Variants in ROBO2 observed in about 807,000 individuals in gnomAD.
ROBO2 encodes roundabout guidance receptor 2.
A neutral mutation model predicts 160.8 loss-of-function variants in ROBO2; 53 were observed. That is an observed-to-expected ratio of 0.33 (90% CI 0.26 to 0.41). ROBO2 has a LOEUF of 0.41. ROBO2 is among the 10% of genes least tolerant of loss of function. ROBO2 has a pLI of 1.00. For missense variants in ROBO2, 1,577 were observed against 1,722.4 expected (o/e 0.92, Z 1.49); for synonymous variants, 664 against 611.7 (o/e 1.09, Z -1.26).
In ROBO2 at chr3:76,434,051, G is replaced by C. The variant is rs529015580; in HGVS notation, c.109+496449G>C. 3.1e-6 allele frequency: 4 copies of C among 1,295,720 alleles called. No homozygotes were observed. The East Asian group carries it at 9.2e-5, about 30-fold the overall frequency. The allele number at this position is 1,295,720 out of a possible 1,614,324, so 80.3% of individuals were successfully genotyped here. ...CATGCAAAATCTGGTAGAAAGACTG[G>C]AGAGGGCAGTGGGCCTCCTGGAGGC... On this transcript the variant is annotated intron_variant, in intron 2 of 26. Transcript: ENST00000487694.
intron 2 of ROBO2, among the ~76,000 whole-genome samples, chr3:77,394,294 T>A (rs918774672): frequency 3.9e-5 from 6 of 152,092 alleles, no homozygotes; most frequent in African/African-American, 1.2e-4. Flanking sequence ...AGTGTGCAGG[T>A]TTTCATGGCA....
intron 2 of ROBO2, among the ~76,000 whole-genome samples, chr3:76,928,982 G>A (rs186936808): frequency 9.3e-4 from 141 of 152,264 alleles, no homozygotes; most frequent in Non-Finnish European, 5.3e-4. Context: ...AACCTGGGCC[G>A]GGTGTGGTGG....
At chr3:77,385,472 G>A (rs1454447444) in intron 2 of ROBO2, among the ~76,000 whole-genome samples, 2 of 152,124 alleles carry the variant, frequency 1.3e-5, no homozygotes, top group Non-Finnish European at 2.9e-5. Context: ...TGGTACCCAA[G>A]CGACATTTTT....
At chr3:76,940,062 A>C (rs1176421619) in intron 2 of ROBO2, among the ~76,000 whole-genome samples, 1 of 147,164 alleles carries the variant, frequency 6.8e-6, no homozygotes, top group Non-Finnish European at 1.5e-5. Context: ...GCTCACTGCA[A>C]GCTCCGCCTC....
At chr3:77,427,459 A>G (rs2078321764) in intron 2 of ROBO2, among the ~76,000 whole-genome samples, 2 of 152,212 alleles carry the variant, frequency 1.3e-5, no homozygotes, top group African/African-American at 4.8e-5. Flanking sequence ...GTATCTCATA[A>G]GTGGTACACC....
chr3:77,164,771 A>C (rs371048916), intron 2 of ROBO2, among the ~76,000 whole-genome samples: 2,653 of 5,644 alleles, frequency 0.47, 595 homozygotes, highest in East Asian at 0.62. Context: ...GGGGGGTCAG[A>C]CCCCCGCCCG....
intron 24 of ROBO2, among the ~76,000 whole-genome samples, chr3:77,636,461 A>C (rs1177316828): frequency 6.6e-6 from 1 of 151,990 alleles, no homozygotes; most frequent in Non-Finnish European, 1.5e-5. Flanking sequence ...GCGTGGTTGC[A>C]CGTGCCTGTA....
At chr3:76,492,329 G>T (rs2079875777) in intron 2 of ROBO2, among the ~76,000 whole-genome samples, 1 of 152,014 alleles carries the variant, frequency 6.6e-6, no homozygotes, top group African/African-American at 2.4e-5. Flanking sequence ...CAATCTGCCT[G>T]GTATATTAAA....
intron 2 of ROBO2, among the ~76,000 whole-genome samples, chr3:76,036,842 A>C (rs1397978375): frequency 1.3e-5 from 2 of 151,992 alleles, no homozygotes; most frequent in Non-Finnish European, 2.9e-5. Flanking sequence ...TCATCTATAA[A>C]ATATTATTTA....
chr3:76,954,544 T>G (rs1487902775), intron 2 of ROBO2, among the ~76,000 whole-genome samples: 1 of 152,144 alleles, frequency 6.6e-6, no homozygotes, highest in Non-Finnish European at 1.5e-5. Context: ...TCAAAAACTC[T>G]CTGACCATAA....
intron 2 of ROBO2, among the ~76,000 whole-genome samples, chr3:76,095,681 T>C (rs2069412520): frequency 6.6e-6 from 1 of 151,990 alleles, no homozygotes; most frequent in African/African-American, 2.4e-5. Flanking sequence ...TAGTACTATC[T>C]ATGGTATTGT....
intron 21 of ROBO2, among the ~76,000 whole-genome samples, chr3:77,612,030 C>T (rs2094653072): frequency 6.6e-6 from 1 of 152,110 alleles, no homozygotes; most frequent in South Asian, 2.1e-4. Flanking sequence ...TTGTATCTGG[C>T]CTTTACAAGT....
chr3:76,252,904 T>C (rs1049882036), intron 2 of ROBO2, among the ~76,000 whole-genome samples: 11 of 151,752 alleles, frequency 7.2e-5, no homozygotes, highest in African/African-American at 2.7e-4. Flanking sequence ...CGGGCAGCAG[T>C]TAGTGCTGTA....
At chr3:76,395,971 A>C (rs1415070611) in intron 2 of ROBO2, among the ~76,000 whole-genome samples, 1 of 152,192 alleles carries the variant, frequency 6.6e-6, no homozygotes, top group African/African-American at 2.4e-5. Context: ...ACCTCATTTT[A>C]TGAGGCCAGC....
intron 2 of ROBO2, among the ~76,000 whole-genome samples, chr3:76,537,873 AG>A: frequency 6.6e-6 from 1 of 152,038 alleles, no homozygotes; most frequent in East Asian, 1.9e-4. Flanking sequence ...TCAGCAGGGG[AG>A]GGGGTCACAA....
intron 11 of ROBO2, among the ~76,000 whole-genome samples, chr3:77,563,816 TAAC>T (rs2093404267): frequency 6.6e-6 from 1 of 152,114 alleles, no homozygotes; most frequent in Non-Finnish European, 1.5e-5. Context: ...GAGAGAAAAT[TAAC>T]AACAATAATT....
chr3:77,072,098 C>G (rs941154732), intron 1 of ROBO2, among the ~76,000 whole-genome samples: 1 of 152,008 alleles, frequency 6.6e-6, no homozygotes, highest in Non-Finnish European at 1.5e-5. Context: ...TCAGCAGTTG[C>G]GTTAGATTCT....
At chr3:76,615,482 T>G (rs1281147147) in intron 2 of ROBO2, among the ~76,000 whole-genome samples, 2 of 152,180 alleles carry the variant, frequency 1.3e-5, no homozygotes, top group Non-Finnish European at 2.9e-5. Context: ...CTAAGGGGAT[T>G]ACCAAGATAG....
chr3:77,481,246 T>G (rs1468811865), intron 4 of ROBO2, 27 bp downstream of exon 4: 8 of 1,487,690 alleles, frequency 5.4e-6, no homozygotes, highest in Non-Finnish European at 6.2e-6. Flanking sequence ...AATTATAAAT[T>G]TTTATTTTTA....
Sources: allele counts gnomAD v4.1 joint callset (sites outside exome capture counted in the v4.1 genomes callset), GRCh38; gene constraint gnomAD v4.1.1; transcripts MANE v1.5; gene names NCBI Gene and HGNC (gene_info 2026-07-23, HGNC 2026-07-21).